PRDM1: variants seen among roughly 807,000 people sequenced by gnomAD.
The protein encoded by PRDM1 is PR/SET domain 1, also known as PR domain zinc finger protein 1.
Under a neutral mutation model 62.8 loss-of-function variants are expected in PRDM1, and 13 were observed. The observed-to-expected ratio is 0.21, with a 90% CI of 0.13 to 0.33. The LOEUF (loss-of-function observed/expected upper bound fraction) is 0.33. Among genes scored for constraint, PRDM1 ranks in the 10% least tolerant of loss-of-function variants. The probability of loss-of-function intolerance (pLI) is 1.00; values close to 1 mark genes in which losing one functional copy is unlikely to be tolerated. For synonymous variants in PRDM1, 396 were observed against 417.6 expected (o/e 0.95, Z 0.63); for missense variants, 895 against 1,058.8 (o/e 0.85, Z 2.15).
chr6:106,024,606 A>G (rs1457881383), intron 1 of PRDM1, among the ~76,000 whole-genome samples: 1 of 152,220 alleles, frequency 6.6e-6, no homozygotes, highest in East Asian at 1.9e-4. Context: ...ATTCTTAATC[A>G]TCTGTACAGT....
intron 1 of PRDM1, among the ~76,000 whole-genome samples, chr6:105,995,138 T>G (rs933385097): frequency 1.3e-5 from 2 of 152,154 alleles, no homozygotes; most frequent in Non-Finnish European, 2.9e-5. Flanking sequence ...TGCCTTCTTT[T>G]AGGTCTTCGG....
intron 1 of PRDM1, among the ~76,000 whole-genome samples, chr6:106,034,635 C>CTATTT (rs745833853): frequency 1.1e-5 from 1 of 88,420 alleles, no homozygotes; most frequent in Non-Finnish European, 2.0e-5. Flanking sequence ...TGTTCTCTCT[C>CTATTT]TTTTTTTTTT....
At chr6:106,060,452 T>C (rs1025863612) in intron 1 of PRDM1, among the ~76,000 whole-genome samples, 1 of 152,092 alleles carries the variant, frequency 6.6e-6, no homozygotes, top group African/African-American at 2.4e-5. Flanking sequence ...GGGGAGAGAC[T>C]GAGATGAGAG....
chr6:106,038,240 C>T (rs1772949471), intron 1 of PRDM1, among the ~76,000 whole-genome samples: 1 of 151,794 alleles, frequency 6.6e-6, no homozygotes, highest in South Asian at 2.1e-4. Flanking sequence ...CTGCCTGGGC[C>T]TCCCAAAGTG....
In PRDM1 at chr6:106,007,434, G is replaced by GA. The variant is rs959023495; in HGVS notation, c.-67+13803dup. On this transcript the variant is annotated intron_variant, in intron 1 of 6. Transcript: ENST00000652320. ...GACAGAGCGAGATCCATCTCAAAAA[G>GA]AAAAAAAACATTATTTGAGACAAAG... Among the ~76,000 whole-genome samples the GA allele has an allele frequency of 2.6e-4, 39 of 151,316 alleles. 2 individuals carry two copies. Among genetic ancestry groups the GA allele is most frequent in the African/African-American group, 2.9e-4 (12 of 41,306 alleles).
At chr6:106,059,443 T>C (rs1481754730) in intron 1 of PRDM1, among the ~76,000 whole-genome samples, 1 of 152,148 alleles carries the variant, frequency 6.6e-6, no homozygotes, top group African/African-American at 2.4e-5. Context: ...AAAAACCGTG[T>C]CTGGAGCCTA....
At chr6:105,995,004 G>T (rs970414554) in intron 1 of PRDM1, among the ~76,000 whole-genome samples, 2 of 152,218 alleles carry the variant, frequency 1.3e-5, no homozygotes, top group African/African-American at 4.8e-5. Flanking sequence ...CGCCGAGCAC[G>T]CTGCCCGACG....
At position 106,108,462 on chromosome 6, in the gene PRDM1, T is replaced by C. The variant is rs1774576236; in HGVS notation, c.*976T>C. The C allele has an allele frequency of 4.3e-6, 1 of 232,806 alleles. No homozygotes were observed. Among genetic ancestry groups the C allele is most frequent in the Admixed American group, 5.7e-5 (1 of 17,684 alleles). 14.4% of individuals were successfully genotyped at this position (232,806 alleles called of 1,614,324 possible). On this transcript the variant is annotated 3_prime_UTR_variant, in exon 7 of 7. Transcript: ENST00000369096. ...AATTTCCCCAAAGCATAGGTGGCTT[T>C]GTGTGTGTGCGATTTGGGGGCTTGA... is the stretch of plus-strand genomic sequence containing the variant.
chr6:106,049,605 C>T (rs1773138074), intron 1 of PRDM1, among the ~76,000 whole-genome samples: 1 of 152,162 alleles, frequency 6.6e-6, no homozygotes, highest in Admixed American at 6.5e-5. Context: ...CCCCTGTCCT[C>T]CCTCCCTGTC....
At chr6:106,083,508 A>G (rs535761328), upstream of PRDM1, among the ~76,000 whole-genome samples, 24 of 152,286 alleles carry the variant, frequency 1.6e-4, no homozygotes, top group African/African-American at 5.5e-4. Context: ...CTGGCCACCA[A>G]CATTGCAATT....
In PRDM1 at chr6:106,105,679, G is replaced by T; in HGVS notation, c.1519G>T (p.Asp507Tyr). 1 of 1,613,392 alleles carries T rather than the reference G, an allele frequency of 6.2e-7. No homozygotes were observed. The highest frequency in any genetic ancestry group is 8.5e-7 in the Non-Finnish European group (1 of 1,179,548). ...TACCGGGGCCGCCGCCAGCATGAAG[G>T]ACAAGGCCTGTAGCCCCACAAGCGG... ...SFTGAAASMK[D>Y]KACSPTSGSP... The change falls in exon 5 of 7, where the codon GAC (aspartate) becomes TAC (tyrosine). Residue 507 changes from aspartate (D) to tyrosine (Y), a missense_variant. Physicochemically the swap from Asp to Tyr is radical, Grantham distance 160. Transcript: ENST00000369096.
upstream of PRDM1, among the ~76,000 whole-genome samples, chr6:105,992,853 A>T (rs1321743186): frequency 6.6e-6 from 1 of 152,214 alleles, no homozygotes; most frequent in Non-Finnish European, 1.5e-5. Context: ...CCTACTAGGT[A>T]GGCGGGAAAG....
chr6:105,998,881 A>C (rs1772385275), intron 1 of PRDM1, among the ~76,000 whole-genome samples: 1 of 145,474 alleles, frequency 6.9e-6, no homozygotes, highest in East Asian at 2.0e-4. Context: ...GGATTTTTAA[A>C]AGTTAATACA....
chr6:106,027,740 C>CACTTG lies in PRDM1; in HGVS notation c.-67+34103_-67+34107dup. Among the ~76,000 whole-genome samples, 3 of 152,290 alleles carry CACTTG rather than the reference C, an allele frequency of 2.0e-5. No homozygotes were observed. In the Middle Eastern group the frequency reaches 0.01, roughly 518 times the overall value. ...CTATTCTAAGCAGTTTTGATTTCAT[C>CACTTG]ACTTGAGAGTGTCCTACAAATGAGG... On this transcript the variant is annotated intron_variant, in intron 1 of 6. Coordinates refer to the PRDM1 transcript ENST00000652320.
intron 1 of PRDM1, among the ~76,000 whole-genome samples, chr6:106,062,055 C>T (rs2114593423): frequency 6.6e-6 from 1 of 152,290 alleles, no homozygotes; most frequent in East Asian, 1.9e-4. Flanking sequence ...GTTGTGAATA[C>T]ATTCATCAGT....
At chr6:106,079,109 C>T (rs568346626) in intron 1 of PRDM1, among the ~76,000 whole-genome samples, 7 of 151,828 alleles carry the variant, frequency 4.6e-5, no homozygotes, top group South Asian at 4.2e-4. Flanking sequence ...TACAGGTGCC[C>T]GCCACCACGT....
chr6:106,038,886 G>A (rs1191427167), intron 1 of PRDM1, among the ~76,000 whole-genome samples: 1 of 152,146 alleles, frequency 6.6e-6, no homozygotes, highest in Admixed American at 6.5e-5. Flanking sequence ...TTTTGCCAGT[G>A]TGTTTGTTGT....
intron 1 of PRDM1, among the ~76,000 whole-genome samples, chr6:106,020,493 G>A (rs972044829): frequency 1.3e-5 from 2 of 152,126 alleles, no homozygotes; most frequent in Admixed American, 1.3e-4. Context: ...CAAACACTCA[G>A]AGAACTGATG....
At chr6:106,060,929 G>C (rs2114592506) in intron 1 of PRDM1, among the ~76,000 whole-genome samples, 1 of 152,248 alleles carries the variant, frequency 6.6e-6, no homozygotes, top group African/African-American at 2.4e-5. Context: ...GGATAGACCA[G>C]GAGATCTGGG....
Sources: allele counts gnomAD v4.1 joint callset (sites outside exome capture counted in the v4.1 genomes callset), GRCh38; gene constraint gnomAD v4.1.1; transcripts MANE v1.5; gene names NCBI Gene and HGNC (gene_info 2026-07-23, HGNC 2026-07-21).